GRM5: variants seen among roughly 807,000 people sequenced by gnomAD.
GRM5 encodes metabotropic glutamate receptor 5.
In GRM5, 19 loss-of-function variants were observed where a neutral mutation model predicts 83.1. That is an observed-to-expected ratio of 0.23 (90% confidence interval 0.16 to 0.34). GRM5 has a LOEUF of 0.34. Among genes scored for constraint, GRM5 ranks in the 10% least tolerant of loss-of-function variants. The pLI, the probability that GRM5 is intolerant of heterozygous loss-of-function variation, is 1.00. For missense variants in GRM5, 1,160 were observed against 1,588.3 expected, an observed-to-expected ratio of 0.73 and a Z score of 4.58; for synonymous variants, 675 against 633.6, an observed-to-expected ratio of 1.07 and a Z score of -0.98.
intron 2 of GRM5, among the ~76,000 whole-genome samples, chr11:88,907,583 C>A (rs997557186): frequency 6.6e-6 from 1 of 152,060 alleles, no homozygotes; most frequent in Non-Finnish European, 1.5e-5. Context: ...TTTACTCATG[C>A]GAATATTAGA....
chr11:89,034,775 A>G (rs1486274509), intron 2 of GRM5, among the ~76,000 whole-genome samples: 1 of 151,394 alleles, frequency 6.6e-6, no homozygotes, highest in Non-Finnish European at 1.5e-5. Context: ...TTCTCTCAAA[A>G]CACAAGTTTT....
At chr11:89,053,870 A>G (rs1941814151) in intron 1 of GRM5, among the ~76,000 whole-genome samples, 1 of 152,218 alleles carries the variant, frequency 6.6e-6, no homozygotes, top group African/African-American at 2.4e-5. Flanking sequence ...TAAAGCAAAT[A>G]CAAAGCCCCT....
intron 3 of GRM5, among the ~76,000 whole-genome samples, chr11:88,841,828 A>C (rs2135531291): frequency 6.6e-6 from 1 of 152,296 alleles, no homozygotes; most frequent in Non-Finnish European, 1.5e-5. Context: ...ATGATAAAAA[A>C]ATGTGCAATA....
rs1010389720 is a variant in GRM5 at position 88,663,817 on chromosome 11, T to C, written c.912-10414A>G. ...GCCTCTGAGAGCACAATCAAGGTGA[T>C]TGCACGGTGCTAAGTGCAATATTAA... On this transcript the variant is annotated intron_variant, in intron 3 of 9. Transcript: ENST00000305447. Among the ~76,000 whole-genome samples the C allele has an allele frequency of 1.1e-4, 16 of 152,284 alleles. No individual in the cohort carries two copies. In the East Asian group the frequency reaches 2.1e-3, roughly 20 times the overall value.
intron 4 of GRM5, among the ~76,000 whole-genome samples, chr11:88,620,465 T>C (rs1410544649): frequency 6.6e-6 from 1 of 152,194 alleles, no homozygotes; most frequent in Non-Finnish European, 1.5e-5. Flanking sequence ...AATATACCAG[T>C]GGATCATACT....
intron 3 of GRM5, among the ~76,000 whole-genome samples, chr11:88,692,812 C>A (rs974181706): frequency 6.6e-6 from 1 of 152,196 alleles, no homozygotes. Context: ...ACTCGAAGTT[C>A]CTTCTCTTAA....
intron 3 of GRM5, among the ~76,000 whole-genome samples, chr11:88,801,037 T>C (rs1055682954): frequency 2.0e-5 from 3 of 152,120 alleles, no homozygotes; most frequent in Admixed American, 6.6e-5. Context: ...GTATGTTTTA[T>C]AGAAATCCAA....
chr11:88,829,608 G>A (rs963043860), intron 3 of GRM5, among the ~76,000 whole-genome samples: 2 of 152,108 alleles, frequency 1.3e-5, no homozygotes, highest in Non-Finnish European at 2.9e-5. Flanking sequence ...GAAATATGAA[G>A]AAGTGTTGTT....
chr11:88,736,245 G>A (rs972546357), intron 3 of GRM5, among the ~76,000 whole-genome samples: 1 of 152,040 alleles, frequency 6.6e-6, no homozygotes, highest in Non-Finnish European at 1.5e-5. Flanking sequence ...GAAAGTAACG[G>A]ATGCCTAATG....
At chr11:88,701,918 T>C (rs1250837743) in intron 3 of GRM5, among the ~76,000 whole-genome samples, 1 of 152,120 alleles carries the variant, frequency 6.6e-6, no homozygotes, top group Non-Finnish European at 1.5e-5. Flanking sequence ...ATGTTTATAA[T>C]TTGATATCTT....
rs555777403 is a variant in GRM5, at chr11:88,981,867, C to T, written c.661+65345G>A. ...TAAATTAGATCAGGCAAATAAATTG[C>T]CTACAGGAGAAATTGGCATCTAGGA... On this transcript the variant is annotated intron_variant, in intron 2 of 9. Transcript: ENST00000305447. Among the ~76,000 whole-genome samples the T allele has an allele frequency of 4.6e-5, 7 of 152,216 alleles. No individual in the cohort carries two copies. The South Asian group carries it at 1.4e-3, about 32-fold the overall frequency.
intron 2 of GRM5, among the ~76,000 whole-genome samples, chr11:88,873,372 G>A (rs1479829990): frequency 6.6e-5 from 10 of 151,438 alleles, no homozygotes; most frequent in African/African-American, 2.2e-4. Context: ...CCTAATAAAT[G>A]TTTACAGAAA....
chr11:88,546,644 T>C (rs547929563), intron 8 of GRM5, among the ~76,000 whole-genome samples: 1 of 152,224 alleles, frequency 6.6e-6, no homozygotes, highest in South Asian at 2.1e-4. Flanking sequence ...CCCTATGTGT[T>C]CAAAACTTCT....
chr11:89,050,467 G>A (rs1310619514), intron 1 of GRM5, among the ~76,000 whole-genome samples: 1 of 152,138 alleles, frequency 6.6e-6, no homozygotes, highest in Non-Finnish European at 1.5e-5. Context: ...AACTTTAGCT[G>A]AAACCTGGTG....
At chr11:88,798,820 A>AAAAAAAAAAAAAAAAAAAAAAAC (rs1555017418) in intron 3 of GRM5, among the ~76,000 whole-genome samples, 10 of 136,280 alleles carry the variant, frequency 7.3e-5, no homozygotes, top group African/African-American at 1.1e-4. Context: ...AAAAAAAAAA[A>AAAAAAAAAAAAAAAAAAAAAAAC]AAAAAAACAA....
At position 88,964,371 on chromosome 11, in the gene GRM5, G is replaced by T. The variant is rs1230888709; in HGVS notation, c.661+82841C>A. ...CAGTAGAATAGGCAGGGCACAGAGG[G>T]TTTTTTTTTTAAAGACTAGACTCTC... On this transcript the variant is annotated intron_variant, in intron 2 of 9. Transcript: ENST00000305447. Among the ~76,000 whole-genome samples, 3 of 149,188 alleles carry T rather than the reference G, an allele frequency of 2.0e-5. No homozygotes were observed. In the East Asian group the frequency reaches 5.9e-4, roughly 29 times the overall value.
chr11:88,677,575 G>C (rs1427725021), intron 3 of GRM5, among the ~76,000 whole-genome samples: 1 of 152,112 alleles, frequency 6.6e-6, no homozygotes, highest in Non-Finnish European at 1.5e-5. Context: ...CAAAGAAATG[G>C]AGCCAGAATC....
At chr11:88,881,540 G>A (rs1944953915) in intron 2 of GRM5, among the ~76,000 whole-genome samples, 1 of 152,150 alleles carries the variant, frequency 6.6e-6, no homozygotes. Flanking sequence ...TAGCAAGCAA[G>A]CACGTATTTA....
intron 2 of GRM5, among the ~76,000 whole-genome samples, chr11:88,984,394 C>T (rs1014506690): frequency 3.9e-5 from 6 of 152,078 alleles, no homozygotes; most frequent in African/African-American, 7.2e-5. Context: ...AGATTTGTAG[C>T]GTAGGAGCAA....
Sources: gnomAD v4.1 joint callset for allele counts (sites outside exome capture counted in the v4.1 genomes callset) on GRCh38, gnomAD v4.1.1 for gene constraint, MANE v1.5 for transcripts, NCBI Gene and HGNC (gene_info 2026-07-23, HGNC 2026-07-21) for gene names.